Variants in DUSP15 observed in about 807,000 individuals in gnomAD.
DUSP15 encodes the protein dual specificity protein phosphatase 15.
In DUSP15, 23 loss-of-function variants were observed where a neutral mutation model predicts 26.3. The ratio of observed to expected loss-of-function variants is 0.87; its 90% CI spans 0.63 to 1.24. DUSP15 has a LOEUF of 1.24. DUSP15 is among the 50% of genes most tolerant of loss of function. The pLI, the probability that DUSP15 is intolerant of heterozygous loss-of-function variation, is 0.00. For missense variants in DUSP15, 364 were observed against 320.6 expected (o/e 1.14, Z -1.03); for synonymous variants, 143 against 135.5 (o/e 1.06, Z -0.39).
rs937204084 is a variant in DUSP15 at position 31,870,144 on chromosome 20, T to A, written c.21+173A>T. The A allele has an allele frequency of 3.2e-6, 4 of 1,230,982 alleles. No homozygotes were observed. The highest frequency in any genetic ancestry group is 1.6e-5 in the African/African-American group (1 of 63,588). 76.3% of individuals were successfully genotyped at this position (1,230,982 alleles called of 1,614,324 possible). A position where few individuals can be genotyped will look rare whatever the true frequency, so the allele number is the denominator to read the frequency against. ...ACACAGCGGGGACAGAGACGCAGGGTCAGAGAGGGGGAGACCCGACAGCCG... is the reference window on the plus strand; with the variant it reads ...ACACAGCGGGGACAGAGACGCAGGGACAGAGAGGGGGAGACCCGACAGCCG... On this transcript the variant is annotated intron_variant, in intron 1 of 6. Coordinates refer to ENST00000339738, the MANE Select transcript of DUSP15 (RefSeq NM_080611.5). The surrounding 1 kb of genome is among the most constrained non-coding windows in gnomAD (Gnocchi z 6.6).
Position 31,865,745 on chromosome 20 carries a change from C to T in DUSP15, c.139-743G>A, listed in dbSNP as rs118186610. On this transcript the variant is annotated intron_variant, in intron 3 of 6. Transcript: ENST00000339738. ...CTCACATTCCCCAAGGTCATGACAT[C>T]CTGCATCTTTGGCAAGGTTTGCAAT... Among the ~76,000 whole-genome samples, 30 of 152,284 alleles carry T rather than the reference C, an allele frequency of 2.0e-4. No homozygotes were observed. In the East Asian group the frequency reaches 5.2e-3, roughly 26 times the overall value.
exon 10 of DUSP15, chr20:31,848,466 T>A: frequency 6.2e-7 from 1 of 1,611,714 alleles, no homozygotes; most frequent in Non-Finnish European, 8.5e-7. Context: ...TGAAGGTGAG[T>A]GATGCCATCG....
At chr20:31,845,850 G>A (rs534257054), downstream of DUSP15, among the ~76,000 whole-genome samples, 25 of 152,202 alleles carry the variant, frequency 1.6e-4, no homozygotes, top group East Asian at 3.3e-3. Context: ...GGCTGGGGAG[G>A]GACAGGATGT....
chr20:31,864,445 A>G, intron 4 of DUSP15: 2 of 1,033,840 alleles, frequency 1.9e-6, no homozygotes, highest in Non-Finnish European at 1.2e-6. Context: ...TGATGCCACA[A>G]ACAAAAATCC....
Position 31,862,058 on chromosome 20 carries a change from C to G in DUSP15, c.436-383G>C, listed in dbSNP as rs950049845. Among the ~76,000 whole-genome samples the G allele has an allele frequency of 4.6e-5, 7 of 152,290 alleles. No individual in the cohort carries two copies. The East Asian group carries it at 1.2e-3, about 25-fold the overall frequency. Reference sequence around the variant, plus strand: ...CCACAGATTTCTTCCTTGCCCGACTCTTTCCCAACGCCGTGCTGCAGATGA... The same window carrying G: ...CCACAGATTTCTTCCTTGCCCGACTGTTTCCCAACGCCGTGCTGCAGATGA... On this transcript the variant is annotated intron_variant, in intron 6 of 6. Transcript: ENST00000339738.
chr20:31,863,935 G>C lies in DUSP15; in HGVS notation c.235C>G (p.Leu79Val), dbSNP rs1289312853. Residue 79 changes from leucine to valine, a missense_variant, in exon 5 of 7, where the codon CTT becomes GTT. By Grantham distance (32) the Leu-to-Val change is conservative (BLOSUM62 1). Coordinates refer to ENST00000339738, the MANE Select transcript of DUSP15 (RefSeq NM_080611.5). Reference sequence around the variant, plus strand: ...TGCACAAGGCAGTTCCCCCCATTAAGGCGGCAGCAGTGGATGAAGTTGATA... The same window carrying C: ...TGCACAAGGCAGTTCCCCCCATTAACGCGGCAGCAGTGGATGAAGTTGATA... ...ECINFIHCCR[L>V]NGGNCLVHCF... The C allele has an allele frequency of 6.2e-7, 1 of 1,613,728 alleles. No individual in the cohort carries two copies.
chr20:31,862,855 A>C, intron 5 of DUSP15, 113 bp from the exon 6 acceptor site: 6 of 1,123,716 alleles, frequency 5.3e-6, no homozygotes, highest in Non-Finnish European at 7.4e-6. Context: ...CTCCAACCAT[A>C]AGGGACCTGT....
At chr20:31,849,187 G>A (rs1029122074) in intron 8 of DUSP15, among the ~76,000 whole-genome samples, 4 of 151,674 alleles carry the variant, frequency 2.6e-5, no homozygotes, top group Non-Finnish European at 4.4e-5. Flanking sequence ...TACCTATCTC[G>A]TGCTTGGTGC....
downstream of DUSP15, among the ~76,000 whole-genome samples, chr20:31,859,735 A>G (rs1220466506): frequency 6.6e-6 from 1 of 152,094 alleles, no homozygotes; most frequent in Non-Finnish European, 1.5e-5. Context: ...TTGGCTCACT[A>G]CAGCCTCCGC....
exon 10 of DUSP15, chr20:31,847,711 T>G (rs747169311): frequency 3.3e-5 from 5 of 152,214 alleles, no homozygotes; most frequent in Non-Finnish European, 7.3e-5. Flanking sequence ...TTTCCAGTTC[T>G]CAGATTGCCT....
chr20:31,854,101 G>C (rs887200918), intron 6 of DUSP15, among the ~76,000 whole-genome samples: 2 of 152,228 alleles, frequency 1.3e-5, no homozygotes, highest in Non-Finnish European at 2.9e-5. Context: ...AGGCCATCAG[G>C]AGATGTATTG....
At chr20:31,853,808 C>G (rs1421248871) in intron 6 of DUSP15, among the ~76,000 whole-genome samples, 2 of 151,962 alleles carry the variant, frequency 1.3e-5, no homozygotes, top group Admixed American at 1.3e-4. Context: ...ACTATGTTGC[C>G]CAGGTGGTTG....
At chr20:31,847,621 TA>T (rs1372089848), downstream of DUSP15, 1 of 152,114 alleles carries the variant, frequency 6.6e-6, no homozygotes, top group African/African-American at 2.4e-5. Context: ...CAGAAAAGAA[TA>T]AAAGGCCTGA....
chr20:31,870,502 G>A lies in DUSP15; in HGVS notation c.-165C>T. ...CCCTGCCCAGCCACCGCCACCGCCC[G>A]CCGACCCCCGGCCCGGGAGGGAAAT... is the stretch of plus-strand genomic sequence containing the variant. On this transcript the variant is annotated 5_prime_UTR_variant, in exon 1 of 7. Transcript: ENST00000339738. This position sits in a 1 kb window ranked among gnomAD's most constrained non-coding sequence, Gnocchi z 6.6. 2 of 1,398,170 alleles carry A rather than the reference G, an allele frequency of 1.4e-6. No individual in the cohort carries two copies. The highest frequency in any genetic ancestry group is 1.9e-6 in the Non-Finnish European group (2 of 1,078,914). 86.6% of individuals were successfully genotyped at this position (1,398,170 alleles called of 1,614,324 possible). A position where few individuals can be genotyped will look rare whatever the true frequency, so the allele number is the denominator to read the frequency against.
At position 31,849,951 on chromosome 20, in the gene DUSP15, ACT is replaced by A. The variant is rs2062440444; in HGVS notation, c.492-79_492-78del. ...CTCGCCTTCTTACCCTCCCCTTCAA[ACT>A]CTGCCGGACCCAGAGGTCGTCCCAG... On this transcript the variant is annotated intron_variant, in intron 7 of 9. Coordinates refer to the DUSP15 transcript ENST00000278979. 6.4e-6 allele frequency: 9 copies of A among 1,401,596 alleles called. No individual in the cohort carries two copies. In the Admixed American group the frequency reaches 1.3e-4, roughly 20 times the overall value. The allele number at this position is 1,401,596 out of a possible 1,614,324, so 86.8% of individuals were successfully genotyped here. A position where few individuals can be genotyped will look rare whatever the true frequency, so the allele number is the denominator to read the frequency against.
intron 6 of DUSP15, among the ~76,000 whole-genome samples, chr20:31,854,172 A>C (rs2062520871): frequency 6.7e-6 from 1 of 149,744 alleles, no homozygotes; most frequent in Admixed American, 6.6e-5. Context: ...TCAATCATGC[A>C]CTGAGGGGGA....
chr20:31,867,811 A>AT (rs541724200), intron 2 of DUSP15, among the ~76,000 whole-genome samples: 1 of 151,646 alleles, frequency 6.6e-6, no homozygotes, highest in Non-Finnish European at 1.5e-5. Flanking sequence ...CACCCGGCTA[A>AT]TTTTTTTGCA....
downstream of DUSP15, among the ~76,000 whole-genome samples, chr20:31,856,434 CG>C (rs1330751426): frequency 6.6e-6 from 1 of 151,884 alleles, no homozygotes; most frequent in African/African-American, 2.4e-5. Context: ...TTAAGGACTG[CG>C]GGGATTGCTG....
intron 8 of DUSP15, chr20:31,849,679 A>G (rs2062431980): frequency 2.6e-6 from 4 of 1,530,956 alleles, no homozygotes; most frequent in South Asian, 2.4e-5. Context: ...ACCGCGCTCC[A>G]GGTGAGGCGG....
Sources: allele counts gnomAD v4.1 joint callset (sites outside exome capture counted in the v4.1 genomes callset), GRCh38; gene constraint gnomAD v4.1.1; non-coding constraint Gnocchi (gnomAD v3.1); transcripts MANE v1.5; gene names NCBI Gene and HGNC (gene_info 2026-07-23, HGNC 2026-07-21).